FUT8: variants seen among roughly 807,000 people sequenced by gnomAD.
The protein encoded by FUT8 is fucosyltransferase 8.
A neutral mutation model predicts 71.3 loss-of-function variants in FUT8; 29 were observed. The ratio of observed to expected loss-of-function variants is 0.41; its 90% CI spans 0.30 to 0.55. The LOEUF is 0.55. Ranked by LOEUF, FUT8 falls within the 20% of genes least tolerant of loss-of-function variation. FUT8 has a pLI of 0.34. For synonymous variants in FUT8, 254 were observed against 239.3 expected (o/e 1.06, Z -0.57); for missense variants, 544 against 702.1 (o/e 0.77, Z 2.55).
At chr14:65,417,500 A>G (rs895405326) in intron 1 of FUT8, among the ~76,000 whole-genome samples, 3 of 152,212 alleles carry the variant, frequency 2.0e-5, no homozygotes, top group Non-Finnish European at 2.9e-5. Flanking sequence ...TAACGGAGGA[A>G]GAGCAAATGG....
Position 65,413,506 on chromosome 14 carries a change from C to T in FUT8, c.-326+292C>T, listed in dbSNP as rs910833396. Among the ~76,000 whole-genome samples, 16 of 151,916 alleles carry T rather than the reference C, an allele frequency of 1.1e-4. No individual in the cohort carries two copies. The highest frequency in any genetic ancestry group is 3.2e-3 in the Middle Eastern group (1 of 316). On this transcript the variant is annotated intron_variant, in intron 1 of 10. Coordinates refer to ENST00000673929, the MANE Select transcript of FUT8 (RefSeq NM_001371533.1). This position sits in a 1 kb window ranked among gnomAD's most constrained non-coding sequence, Gnocchi z 4.1. ...CTGCCCTCGGCGTCGCGCATCCTTG[C>T]CTAGGGCAGGGGCCAAAGCCTAGGG... is the stretch of plus-strand genomic sequence containing the variant.
chr14:65,551,340 G>A (rs1447256981), intron 2 of FUT8, among the ~76,000 whole-genome samples: 1 of 152,066 alleles, frequency 6.6e-6, no homozygotes, highest in African/African-American at 2.4e-5. Context: ...TGCATTTTTT[G>A]TTATGTCTAA....
intron 6 of FUT8, among the ~76,000 whole-genome samples, chr14:65,654,113 A>G (rs185508438): frequency 6.3e-4 from 96 of 152,276 alleles, no homozygotes; most frequent in African/African-American, 2.3e-3. Context: ...AATTTTTTAC[A>G]ATGGCCGATG....
chr14:65,540,908 G>T (rs1362172785), intron 2 of FUT8, among the ~76,000 whole-genome samples: 1 of 152,222 alleles, frequency 6.6e-6, no homozygotes. Context: ...AATGACATTT[G>T]TACAACTAGT....
intron 7 of FUT8, among the ~76,000 whole-genome samples, chr14:65,718,349 G>T (rs1030338905): frequency 6.6e-6 from 1 of 152,160 alleles, no homozygotes; most frequent in South Asian, 2.1e-4. Context: ...TCAAAAAGAA[G>T]TCTAATAAAT....
chr14:65,530,998 G>A (rs1368190642), intron 2 of FUT8, among the ~76,000 whole-genome samples: 1 of 145,660 alleles, frequency 6.9e-6, no homozygotes, highest in Non-Finnish European at 1.5e-5. Context: ...AAAAAAATTG[G>A]TCTTATATTC....
chr14:65,694,485 A>G (rs1352142792), intron 7 of FUT8, among the ~76,000 whole-genome samples: 1 of 152,186 alleles, frequency 6.6e-6, no homozygotes, highest in Admixed American at 6.5e-5. Context: ...TTGAGAGCAT[A>G]CTTTGTATGA....
In FUT8 at chr14:65,722,032, G is replaced by T. The variant is rs1271411931; in HGVS notation, c.1082+11G>T. On this transcript the variant is annotated intron_variant, in intron 8 of 10. Coordinates refer to ENST00000673929, the MANE Select transcript of FUT8 (RefSeq NM_001371533.1). ...ACATCCAGTTATTGGGTAAGAATCT[G>T]ATTTTTTCCCTCAAACTGTGATATG... is the stretch of plus-strand genomic sequence containing the variant. 1.2e-6 allele frequency: 2 copies of T among 1,612,750 alleles called. No individual in the cohort carries two copies. Among genetic ancestry groups the T allele is most frequent in the South Asian group, 1.1e-5 (1 of 90,982 alleles).
chr14:65,673,440 C>T (rs766115676), intron 7 of FUT8, among the ~76,000 whole-genome samples: 1 of 152,142 alleles, frequency 6.6e-6, no homozygotes, highest in Non-Finnish European at 1.5e-5. Context: ...ATATGTTGTG[C>T]TAATGTGGTG....
chr14:65,683,284 A>T (rs1199548078), intron 7 of FUT8, among the ~76,000 whole-genome samples: 1 of 152,146 alleles, frequency 6.6e-6, no homozygotes, highest in African/African-American at 2.4e-5. Context: ...AAGTGCTGGG[A>T]TTACAGGCGT....
At chr14:65,684,982 A>AATC (rs1893210415) in intron 7 of FUT8, among the ~76,000 whole-genome samples, 1 of 152,238 alleles carries the variant, frequency 6.6e-6, no homozygotes, top group Non-Finnish European at 1.5e-5. Flanking sequence ...AATTTAAATT[A>AATC]ATCAAATGCC....
At chr14:65,431,522 G>A (rs1018613768) in intron 1 of FUT8, among the ~76,000 whole-genome samples, 3 of 151,392 alleles carry the variant, frequency 2.0e-5, no homozygotes, top group Admixed American at 1.3e-4. Flanking sequence ...CACATTGCCT[G>A]GGCTGGTCTT....
chr14:65,604,392 T>A (rs1180026148), intron 3 of FUT8, among the ~76,000 whole-genome samples: 1 of 151,926 alleles, frequency 6.6e-6, no homozygotes, highest in East Asian at 1.9e-4. Flanking sequence ...ACTGAAATTA[T>A]ATCAAGTACT....
chr14:65,682,283 G>A (rs1428375321), intron 7 of FUT8, among the ~76,000 whole-genome samples: 5 of 152,194 alleles, frequency 3.3e-5, no homozygotes, highest in Non-Finnish European at 5.9e-5. Context: ...CAGGAGGATC[G>A]CTTCAGACTG....
chr14:65,412,289 C>T (rs2065140336), upstream of FUT8: 1 of 456,540 alleles, frequency 2.2e-6, no homozygotes, highest in South Asian at 1.5e-5. Flanking sequence ...AGCAGCAGCG[C>T]GCACCCCTAA....
At chr14:65,463,201 C>T (rs8003664) in intron 2 of FUT8, among the ~76,000 whole-genome samples, 9,362 of 152,114 alleles carry the variant, frequency 0.062, 505 homozygotes, top group South Asian at 0.2. Context: ...AAAAGATATA[C>T]CTCTATCATA....
At chr14:65,740,606 C>T (rs1257641780) in intron 10 of FUT8, among the ~76,000 whole-genome samples, 8 of 151,942 alleles carry the variant, frequency 5.3e-5, no homozygotes, top group African/African-American at 1.9e-4. Context: ...TCTCAGGCAA[C>T]TTACAATCAT....
chr14:65,553,954 G>A lies in FUT8; in HGVS notation c.-227-7383G>A, dbSNP rs74534896. ...TGGTGTTTTATCATTTTTTTACTTT[G>A]GAAAATTCCCAGCTAACATCTCTTT... is the stretch of plus-strand genomic sequence containing the variant. On this transcript the variant is annotated intron_variant, in intron 2 of 10. Coordinates refer to ENST00000673929, the MANE Select transcript of FUT8 (RefSeq NM_001371533.1). Among the ~76,000 whole-genome samples the A allele has an allele frequency of 5.0e-3, 757 of 150,892 alleles. 8 individuals are homozygous for A. Among genetic ancestry groups the A allele is most frequent in the African/African-American group, 0.018 (718 of 41,010 alleles).
At chr14:65,535,340 A>G (rs1255018071) in intron 2 of FUT8, among the ~76,000 whole-genome samples, 1 of 152,076 alleles carries the variant, frequency 6.6e-6, no homozygotes, top group African/African-American at 2.4e-5. Flanking sequence ...GCCTCAAGTG[A>G]TCTGCCTGCC....
Sources: gnomAD v4.1 joint callset for allele counts (sites outside exome capture counted in the v4.1 genomes callset) on GRCh38, gnomAD v4.1.1 for gene constraint, Gnocchi (gnomAD v3.1) non-coding constraint, MANE v1.5 for transcripts, NCBI Gene and HGNC (gene_info 2026-07-23, HGNC 2026-07-21) for gene names.